Variants in RHOU observed in about 807,000 individuals in gnomAD.
RHOU encodes the protein rho-related GTP-binding protein RhoU.
Under a neutral mutation model 12.6 loss-of-function variants are expected in RHOU, and 8 were observed. The ratio of observed to expected loss-of-function variants is 0.64; its 90% CI spans 0.37 to 1.15. The LOEUF is 1.15. RHOU is among the 50% of genes most tolerant of loss of function. The probability of loss-of-function intolerance (pLI) is 0.01; values close to 1 mark genes in which losing one functional copy is unlikely to be tolerated. For missense variants in RHOU, 258 were observed against 347.0 expected (o/e 0.74, Z 2.04); for synonymous variants, 161 against 147.4 (o/e 1.09, Z -0.67).
At chr1:228,736,564 T>C (rs1398425121) in intron 1 of RHOU, among the ~76,000 whole-genome samples, 1 of 152,092 alleles carries the variant, frequency 6.6e-6, no homozygotes, top group African/African-American at 2.4e-5. Context: ...AGGCTTAGGT[T>C]TGGATGAAAC....
At chr1:228,653,406 G>A in the RHOU span, among the ~76,000 whole-genome samples, 9 of 152,048 alleles carry the variant, frequency 5.9e-5, no homozygotes, top group Admixed American at 2.0e-4. Context: ...TGCAACCTCC[G>A]CCTCCCATGT....
At chr1:228,717,259 C>G in the RHOU span, among the ~76,000 whole-genome samples, 1 of 152,246 alleles carries the variant, frequency 6.6e-6, no homozygotes, top group Admixed American at 6.5e-5. Context: ...TGGAACTGCT[C>G]TGTTTGCTTC....
the RHOU span, among the ~76,000 whole-genome samples, chr1:228,666,250 G>A: frequency 3.3e-5 from 5 of 152,234 alleles, no homozygotes; most frequent in South Asian, 8.3e-4. Context: ...GTGAGCCACC[G>A]TGCCTGGTCT....
the RHOU span, among the ~76,000 whole-genome samples, chr1:228,724,472 C>T: frequency 6.6e-6 from 1 of 152,158 alleles, no homozygotes; most frequent in African/African-American, 2.4e-5. Context: ...ACATACTTAT[C>T]TTTCTTTTTG....
intron 2 of RHOU, among the ~76,000 whole-genome samples, chr1:228,740,825 A>G (rs1414006015): frequency 6.6e-6 from 1 of 152,224 alleles, no homozygotes; most frequent in Non-Finnish European, 1.5e-5. Flanking sequence ...ATGGCTCTAC[A>G]TGCTGAAGAA....
the RHOU span, among the ~76,000 whole-genome samples, chr1:228,699,034 G>A: frequency 1.3e-5 from 2 of 151,988 alleles, no homozygotes; most frequent in African/African-American, 2.4e-5. Flanking sequence ...CCAATCTCAG[G>A]GTTGTAAATC....
the RHOU span, among the ~76,000 whole-genome samples, chr1:228,646,703 C>T: frequency 6.6e-6 from 1 of 150,880 alleles, no homozygotes; most frequent in Non-Finnish European, 1.5e-5. Context: ...AACCCAGACA[C>T]ACCCCACCGC....
At chr1:228,647,038 G>T in the RHOU span, among the ~76,000 whole-genome samples, 2 of 152,140 alleles carry the variant, frequency 1.3e-5, no homozygotes, top group Non-Finnish European at 2.9e-5. Context: ...GAAGAGTGAG[G>T]AGGAGGGAGC....
rs1662647602 is a variant in RHOU, at chr1:228,738,000, C to G, written c.321+269C>G. 6.6e-6 allele frequency among the ~76,000 whole-genome samples: 1 copy of G among 152,180 alleles called. No individual in the cohort carries two copies. The highest frequency in any genetic ancestry group is 2.1e-4 in the South Asian group (1 of 4,830). The stretch of plus-strand genomic sequence containing the variant: ...GGAGGAAGCAGTGTCAAGAACAGCT[C>G]TTGTAGGAGTTTCTATTACTTACTC... On this transcript the variant is annotated intron_variant, in intron 2 of 2. Coordinates refer to ENST00000366691, the MANE Select transcript of RHOU (RefSeq NM_021205.6). The surrounding 1 kb of genome is among the most constrained non-coding windows in gnomAD (Gnocchi z 4.1).
chr1:228,648,237 C>T, the RHOU span, among the ~76,000 whole-genome samples: 4 of 152,352 alleles, frequency 2.6e-5, no homozygotes, highest in Admixed American at 2.0e-4. Flanking sequence ...TAGAGCCTTC[C>T]GTGATTGCTT....
the RHOU span, among the ~76,000 whole-genome samples, chr1:228,694,749 T>A: frequency 6.6e-6 from 1 of 152,226 alleles, no homozygotes; most frequent in Non-Finnish European, 1.5e-5. Flanking sequence ...TGAGTCCATG[T>A]CTTTGCTATT....
the RHOU span, among the ~76,000 whole-genome samples, chr1:228,647,101 C>T: frequency 6.6e-6 from 1 of 152,188 alleles, no homozygotes; most frequent in South Asian, 2.1e-4. Context: ...CTTCGGTAGG[C>T]AGCCCCCTTT....
chr1:228,708,441 C>T, the RHOU span, among the ~76,000 whole-genome samples: 41 of 151,420 alleles, frequency 2.7e-4, no homozygotes, highest in African/African-American at 8.3e-4. Flanking sequence ...GGAAGCCCAT[C>T]AGACTAACAG....
the RHOU span, among the ~76,000 whole-genome samples, chr1:228,703,728 G>T: frequency 6.6e-6 from 1 of 152,124 alleles, no homozygotes; most frequent in Non-Finnish European, 1.5e-5. Context: ...CTTTGAAAAA[G>T]AATCAAGGCC....
the RHOU span, among the ~76,000 whole-genome samples, chr1:228,669,382 A>G: frequency 6.6e-6 from 1 of 151,322 alleles, no homozygotes; most frequent in African/African-American, 2.4e-5. Flanking sequence ...CCAGCAACAC[A>G]GTCTTGGTGG....
the RHOU span, among the ~76,000 whole-genome samples, chr1:228,699,921 T>C: frequency 6.6e-6 from 1 of 152,216 alleles, no homozygotes. Flanking sequence ...TAGCAGAATA[T>C]ACCTAAAGTT....
At chr1:228,724,149 G>A in the RHOU span, among the ~76,000 whole-genome samples, 3 of 152,126 alleles carry the variant, frequency 2.0e-5, no homozygotes, top group Admixed American at 1.3e-4. Flanking sequence ...GCTCACTGAC[G>A]TATCCCCAAC....
At chr1:228,676,253 G>A in the RHOU span, among the ~76,000 whole-genome samples, 3 of 151,982 alleles carry the variant, frequency 2.0e-5, no homozygotes, top group African/African-American at 4.8e-5. Context: ...TTACAGGTGT[G>A]AGCCTCAGTG....
At chr1:228,726,681 A>G in the RHOU span, among the ~76,000 whole-genome samples, 1 of 151,652 alleles carries the variant, frequency 6.6e-6, no homozygotes, top group East Asian at 1.9e-4. Context: ...AAAAAAAAAA[A>G]TCTCTGCTCT....
Sources: allele counts gnomAD v4.1 joint callset (sites outside exome capture counted in the v4.1 genomes callset), GRCh38; gene constraint gnomAD v4.1.1; non-coding constraint Gnocchi (gnomAD v3.1); transcripts MANE v1.5; gene names NCBI Gene and HGNC (gene_info 2026-07-23, HGNC 2026-07-21).